The following TNRC6A variants were observed in gnomAD, a reference collection of about 807,000 sequenced individuals.
TNRC6A encodes the protein trinucleotide repeat-containing gene 6A protein.
TNRC6A carries 44 observed loss-of-function variants against 221.2 expected under a neutral mutation model. The observed-to-expected ratio is 0.20, with a 90% CI of 0.16 to 0.26. TNRC6A has a LOEUF of 0.26. TNRC6A is among the 10% of genes least tolerant of loss of function. The pLI is 1.00. For synonymous variants in TNRC6A, 847 were observed against 838.5 expected (o/e 1.01, Z -0.18); for missense variants, 2,199 against 2,404.4 (o/e 0.91, Z 1.79).
At chr16:24,625,175 A>G (rs1238065396) in intron 1 of TNRC6A, among the ~76,000 whole-genome samples, 3 of 152,208 alleles carry the variant, frequency 2.0e-5, no homozygotes, top group Admixed American at 6.5e-5. Flanking sequence ...TAGGCCCAAC[A>G]TAATAGAAGA....
At chr16:24,729,436 GA>G (rs1372081236), upstream of TNRC6A, among the ~76,000 whole-genome samples, 3 of 151,270 alleles carry the variant, frequency 2.0e-5, no homozygotes, top group Non-Finnish European at 4.4e-5. Context: ...CGGCCGCACC[GA>G]AAAAGGTTGG....
At chr16:24,643,355 G>A (rs1020679006) in intron 2 of TNRC6A, among the ~76,000 whole-genome samples, 1 of 151,584 alleles carries the variant, frequency 6.6e-6, no homozygotes, top group Non-Finnish European at 1.5e-5. Context: ...ATTAACCCAG[G>A]TATTCATTCC....
chr16:24,690,549 G>C (rs1401287908), intron 2 of TNRC6A, among the ~76,000 whole-genome samples: 1 of 152,078 alleles, frequency 6.6e-6, no homozygotes, highest in East Asian at 1.9e-4. Context: ...CTGTTCACAA[G>C]TATTATTTTA....
At position 24,807,973 on chromosome 16, in the gene TNRC6A, T is replaced by C. The variant is rs1259461926; in HGVS notation, c.4540+1189T>C. On this transcript the variant is annotated intron_variant, in intron 17 of 24. Coordinates refer to ENST00000395799, the MANE Select transcript of TNRC6A (RefSeq NM_014494.4). ...TGAACTGGTTTGGCTCAGCCTGGTA[T>C]TACCACAGACTCTCACCTGGGACAT... Among the ~76,000 whole-genome samples, 6 of 152,326 alleles carry C rather than the reference T, an allele frequency of 3.9e-5. No homozygotes were observed. In the South Asian group the frequency reaches 1.0e-3, roughly 26 times the overall value.
rs777167456 is a variant in TNRC6A, at chr16:24,818,573, T to A, written c.4973-20T>A. ...CACGTCCCTTGCTCTGGTGGCTGAT[T>A]GGACTCTTCCCCCACACAGGGTCAT... On this transcript the variant is annotated intron_variant, in intron 20 of 24. Transcript: ENST00000395799. 1 of 1,603,518 alleles carries A rather than the reference T, an allele frequency of 6.2e-7. No individual in the cohort carries two copies. Among genetic ancestry groups the A allele is most frequent in the South Asian group, 1.1e-5 (1 of 90,898 alleles).
intron 2 of TNRC6A, among the ~76,000 whole-genome samples, chr16:24,688,150 G>A (rs934575194): frequency 4.7e-5 from 7 of 150,434 alleles, no homozygotes; most frequent in South Asian, 2.1e-4. Flanking sequence ...CATGTTAGCC[G>A]GGATGGTCTC....
intron 2 of TNRC6A, among the ~76,000 whole-genome samples, chr16:24,690,004 AAAAAAAAAAAAAAAAAAAAAAAAT>A (rs2055721124): frequency 3.6e-5 from 2 of 55,980 alleles, no homozygotes; most frequent in East Asian, 9.6e-4. Context: ...AAAAAAAAAA[AAAAAAAAAAAAAAAAAAAAAAAAT>A]TTTTTTTTTT....
rs71156430 is a variant in TNRC6A at position 24,648,274 on chromosome 16, C to CTTTTTTTTTTTTTTTTTTTT, written n.402+7280_402+7281insTTTTTTTTTTTTTTTTTTTT. Among the ~76,000 whole-genome samples, 47 of 97,852 alleles carry CTTTTTTTTTTTTTTTTTTTT rather than the reference C, an allele frequency of 4.8e-4. 5 individuals are homozygous for CTTTTTTTTTTTTTTTTTTTT. Among genetic ancestry groups the CTTTTTTTTTTTTTTTTTTTT allele is most frequent in the African/African-American group, 5.2e-4 (11 of 21,290 alleles). 64.2% of individuals were successfully genotyped at this position (97,852 alleles called of 152,430 possible). A position where few individuals can be genotyped will look rare whatever the true frequency, so the allele number is the denominator to read the frequency against. On this transcript the variant is annotated intron_variant and non_coding_transcript_variant, in intron 2 of 2. Transcript: ENST00000566108. ...GCAATTGTACCACTTTCCACAGCAA[C>CTTTTTTTTTTTTTTTTTTTT]TTTTTTTTTTTTTTTGAGATGGAGT...
At chr16:24,772,768 C>G (rs778918332) in intron 4 of TNRC6A, among the ~76,000 whole-genome samples, 38 of 152,250 alleles carry the variant, frequency 2.5e-4, no homozygotes, top group Non-Finnish European at 5.3e-4. Flanking sequence ...GAGCGAGACT[C>G]TTGTCTCCAA....
chr16:24,761,731 A>G (rs757373934), intron 4 of TNRC6A, among the ~76,000 whole-genome samples: 123 of 151,892 alleles, frequency 8.1e-4, no homozygotes, highest in Non-Finnish European at 6.3e-4. Context: ...TGATCATGCT[A>G]CATTACCCAG....
intron 2 of TNRC6A, among the ~76,000 whole-genome samples, chr16:24,693,072 A>G (rs2055787926): frequency 6.6e-6 from 1 of 152,120 alleles, no homozygotes; most frequent in African/African-American, 2.4e-5. Flanking sequence ...ACACACTCAC[A>G]CTATTAAGAT....
At chr16:24,779,235 G>T (rs1260989774) in intron 5 of TNRC6A, among the ~76,000 whole-genome samples, 1 of 152,168 alleles carries the variant, frequency 6.6e-6, no homozygotes. Flanking sequence ...TACTAGGGTG[G>T]ACTGCATTGA....
Position 24,755,542 on chromosome 16 carries a change from A to G in TNRC6A, c.142-2797A>G, listed in dbSNP as rs547027210. Among the ~76,000 whole-genome samples the G allele has an allele frequency of 3.0e-4, 45 of 152,366 alleles. No homozygotes were observed. In the South Asian group the frequency reaches 6.6e-3, roughly 22 times the overall value. ...AGGTGGGTGTTTTTGCCACAGTTCT[A>G]TAGATGAGGAAACTAAGCTTTAGAG... On this transcript the variant is annotated intron_variant, in intron 3 of 24. Transcript: ENST00000395799.
intron 2 of TNRC6A, among the ~76,000 whole-genome samples, chr16:24,667,671 A>T (rs1039688916): frequency 1.3e-5 from 2 of 152,192 alleles, no homozygotes; most frequent in Non-Finnish European, 1.5e-5. Flanking sequence ...TGTTATGAAG[A>T]TTCAATGACT....
chr16:24,810,124 TTC>T (rs2058513298), intron 18 of TNRC6A, among the ~76,000 whole-genome samples: 1 of 152,250 alleles, frequency 6.6e-6, no homozygotes, highest in Non-Finnish European at 1.5e-5. Context: ...ATAATTTTAT[TTC>T]TATCAATTCC....
chr16:24,716,738 T>C (rs1477306513), intron 2 of TNRC6A, among the ~76,000 whole-genome samples: 3 of 151,724 alleles, frequency 2.0e-5, no homozygotes, highest in Non-Finnish European at 4.4e-5. Context: ...GGCGGGCAGA[T>C]CACAAGGTCA....
intron 2 of TNRC6A, among the ~76,000 whole-genome samples, chr16:24,655,688 T>C (rs1278787691): frequency 2.0e-5 from 3 of 147,640 alleles, no homozygotes; most frequent in Admixed American, 2.0e-4. Flanking sequence ...AAATTCTGTC[T>C]CAAAAAAAAA....
At chr16:24,811,547 C>T (rs1041519119) in intron 18 of TNRC6A, among the ~76,000 whole-genome samples, 4 of 152,018 alleles carry the variant, frequency 2.6e-5, no homozygotes, top group African/African-American at 7.3e-5. Flanking sequence ...GGAGGGGAAA[C>T]GATGAGAGAT....
chr16:24,739,592 C>T (rs2056849351), intron 2 of TNRC6A, among the ~76,000 whole-genome samples: 1 of 151,494 alleles, frequency 6.6e-6, no homozygotes, highest in African/African-American at 2.4e-5. Context: ...GTTTCTCCTC[C>T]CTCAGCCTCC....
Sources: allele counts gnomAD v4.1 joint callset (sites outside exome capture counted in the v4.1 genomes callset), GRCh38; gene constraint gnomAD v4.1.1; transcripts MANE v1.5; gene names NCBI Gene and HGNC (gene_info 2026-07-23, HGNC 2026-07-21).